Variants in LYRM4 observed in about 807,000 individuals in gnomAD.
The protein encoded by LYRM4 is LYR motif containing 4, also known as LYR motif-containing protein 4.
In LYRM4, 9 loss-of-function variants were observed where a neutral mutation model predicts 11.7. The ratio of observed to expected loss-of-function variants is 0.77; its 90% CI spans 0.46 to 1.34. The LOEUF is 1.34. LYRM4 is among the 40% of genes most tolerant of loss of function. The pLI, the probability that LYRM4 is intolerant of heterozygous loss-of-function variation, is 0.00. For synonymous variants in LYRM4, 42 were observed against 40.4 expected (o/e 1.04, Z -0.15); for missense variants, 133 against 112.5 (o/e 1.18, Z -0.82).
At chr6:5,128,130 G>A (rs1368738820) in intron 2 of LYRM4, among the ~76,000 whole-genome samples, 2 of 152,184 alleles carry the variant, frequency 1.3e-5, no homozygotes, top group African/African-American at 4.8e-5. Context: ...ATGGGAGAGG[G>A]TGTCTTACAG....
At chr6:5,245,531 C>T (rs753547471) in intron 1 of LYRM4, among the ~76,000 whole-genome samples, 1 of 152,064 alleles carries the variant, frequency 6.6e-6, no homozygotes, top group Non-Finnish European at 1.5e-5. Flanking sequence ...ACTTTGCATA[C>T]GGTGTCTGGA....
chr6:5,238,829 A>G (rs1457607087), intron 1 of LYRM4, among the ~76,000 whole-genome samples: 2 of 152,354 alleles, frequency 1.3e-5, no homozygotes, highest in South Asian at 4.1e-4. Flanking sequence ...CCTATTTCAT[A>G]TAAACATAAT....
chr6:5,191,197 A>G (rs920147816), intron 2 of LYRM4, among the ~76,000 whole-genome samples: 2 of 152,224 alleles, frequency 1.3e-5, no homozygotes, highest in African/African-American at 2.4e-5. Context: ...TTAAAACAAC[A>G]TGAGTCAAGA....
intron 2 of LYRM4, among the ~76,000 whole-genome samples, chr6:5,110,783 C>A (rs1762845739): frequency 6.6e-6 from 1 of 152,196 alleles, no homozygotes; most frequent in Non-Finnish European, 1.5e-5. Flanking sequence ...GCTACTGTGT[C>A]TTCAGTCGTC....
At chr6:5,154,412 T>C (rs1419199216) in intron 2 of LYRM4, among the ~76,000 whole-genome samples, 2 of 149,808 alleles carry the variant, frequency 1.3e-5, no homozygotes, top group African/African-American at 2.4e-5. Flanking sequence ...AGAAAGGAGG[T>C]TGCAAAGGGC....
intron 2 of LYRM4, among the ~76,000 whole-genome samples, chr6:5,205,953 C>T (rs552970551): frequency 2.0e-5 from 3 of 152,358 alleles, no homozygotes; most frequent in South Asian, 4.1e-4. Flanking sequence ...AGTGCAGCTC[C>T]AGGCTTTTCT....
chr6:5,250,376 G>T (rs937215024), intron 1 of LYRM4, among the ~76,000 whole-genome samples: 1 of 152,198 alleles, frequency 6.6e-6, no homozygotes, highest in African/African-American at 2.4e-5. Flanking sequence ...GAGTAAAAAA[G>T]AATGTTATTT....
intron 2 of LYRM4, among the ~76,000 whole-genome samples, chr6:5,200,621 G>T (rs2127704273): frequency 6.6e-6 from 1 of 152,326 alleles, no homozygotes; most frequent in African/African-American, 2.4e-5. Flanking sequence ...ACCAAAGACA[G>T]CTTGCCCGGA....
At chr6:5,228,947 C>T (rs34250003) in intron 1 of LYRM4, among the ~76,000 whole-genome samples, 6,754 of 139,810 alleles carry the variant, frequency 0.048, 506 homozygotes, top group African/African-American at 0.16. Flanking sequence ...GAGCTTGCAG[C>T]GAGCCAAGAT....
At chr6:5,183,052 T>G (rs1034663629) in intron 2 of LYRM4, among the ~76,000 whole-genome samples, 5 of 152,200 alleles carry the variant, frequency 3.3e-5, no homozygotes, top group African/African-American at 1.2e-4. Context: ...TTACTAAAGC[T>G]TTTTCTTCCC....
chr6:5,047,572 G>A, the LYRM4 span, among the ~76,000 whole-genome samples: 1 of 151,982 alleles, frequency 6.6e-6, no homozygotes, highest in Non-Finnish European at 1.5e-5. Context: ...TCTTTTATTG[G>A]CCCACAGTTA....
chr6:5,112,888 T>C (rs935940129), intron 2 of LYRM4, among the ~76,000 whole-genome samples: 1 of 152,040 alleles, frequency 6.6e-6, no homozygotes, highest in Non-Finnish European at 1.5e-5. Flanking sequence ...AGAAATGGGC[T>C]GAGTGTGGAT....
At chr6:5,251,359 A>G (rs1170757978) in intron 1 of LYRM4, among the ~76,000 whole-genome samples, 1 of 152,178 alleles carries the variant, frequency 6.6e-6, no homozygotes, top group Non-Finnish European at 1.5e-5. Context: ...TCTCACATTG[A>G]CTGGCTAATT....
chr6:5,234,140 TAAA>T (rs1763401624), intron 1 of LYRM4, among the ~76,000 whole-genome samples: 1 of 152,214 alleles, frequency 6.6e-6, no homozygotes, highest in South Asian at 2.1e-4. Flanking sequence ...AATAATAAAA[TAAA>T]AAACTCTCAT....
At chr6:5,089,871 CATT>C in the LYRM4 span, among the ~76,000 whole-genome samples, 2 of 152,196 alleles carry the variant, frequency 1.3e-5, no homozygotes, top group South Asian at 4.1e-4. Flanking sequence ...GCCAACTTCT[CATT>C]GTAGACTAAT....
the LYRM4 span, among the ~76,000 whole-genome samples, chr6:5,095,252 T>G: frequency 6.6e-6 from 1 of 152,156 alleles, no homozygotes; most frequent in Non-Finnish European, 1.5e-5. Flanking sequence ...TAATAAAGAA[T>G]TATTTGACCT....
chr6:5,095,905 A>T, the LYRM4 span, among the ~76,000 whole-genome samples: 1 of 152,096 alleles, frequency 6.6e-6, no homozygotes, highest in Non-Finnish European at 1.5e-5. Context: ...GCTTAAGCCC[A>T]GGAGGTGGAG....
intron 2 of LYRM4, among the ~76,000 whole-genome samples, chr6:5,130,635 GACA>G (rs1188727183): frequency 3.3e-5 from 5 of 152,108 alleles, no homozygotes; most frequent in African/African-American, 4.8e-5. Context: ...AGGAGAGGAA[GACA>G]ACAAGTGGTA....
At chr6:5,058,106 A>G in the LYRM4 span, among the ~76,000 whole-genome samples, 1 of 152,116 alleles carries the variant, frequency 6.6e-6, no homozygotes, top group East Asian at 1.9e-4. Context: ...AAATACAACA[A>G]CATCTCCTTC....
Sources: gnomAD v4.1 joint callset for allele counts (sites outside exome capture counted in the v4.1 genomes callset) on GRCh38, gnomAD v4.1.1 for gene constraint, MANE v1.5 for transcripts, NCBI Gene and HGNC (gene_info 2026-07-23, HGNC 2026-07-21) for gene names.